FGF12: variants seen among roughly 807,000 people sequenced by gnomAD.
The protein encoded by FGF12 is fibroblast growth factor 12B.
In FGF12, 14 loss-of-function variants were observed where a neutral mutation model predicts 23.6. The observed-to-expected ratio is 0.59, with a 90% CI of 0.39 to 0.93. The LOEUF (loss-of-function observed/expected upper bound fraction) is 0.93. FGF12 is among the 40% of genes least tolerant of loss of function. The pLI is 0.00. For missense variants in FGF12, 175 were observed against 217.8 expected, an observed-to-expected ratio of 0.80 and a Z score of 1.24; for synonymous variants, 62 against 77.3, an observed-to-expected ratio of 0.80 and a Z score of 1.04.
chr3:192,552,849 C>T (rs1342985736), intron 2 of FGF12, among the ~76,000 whole-genome samples: 1 of 152,088 alleles, frequency 6.6e-6, no homozygotes, highest in South Asian at 2.1e-4. Flanking sequence ...CGAGATCATG[C>T]CACTGCACCC....
chr3:192,155,014 T>TGTG (rs1714305172), intron 5 of FGF12, among the ~76,000 whole-genome samples: 2 of 146,324 alleles, frequency 1.4e-5, no homozygotes, highest in Non-Finnish European at 3.0e-5. Context: ...TATAGTCTCG[T>TGTG]GGTGCGCCGT....
intron 4 of FGF12, among the ~76,000 whole-genome samples, chr3:192,328,308 C>T (rs1316688657): frequency 1.3e-5 from 2 of 152,192 alleles, no homozygotes; most frequent in African/African-American, 4.8e-5. Context: ...CTTTGGGTCA[C>T]ACAATATCTG....
At chr3:192,442,323 G>A (rs1326489276) in intron 2 of FGF12, among the ~76,000 whole-genome samples, 2 of 152,232 alleles carry the variant, frequency 1.3e-5, no homozygotes, top group Non-Finnish European at 2.9e-5. Flanking sequence ...GTGGATGAAA[G>A]CTGCTTCCAG....
At chr3:192,192,674 G>C (rs367937695) in intron 4 of FGF12, among the ~76,000 whole-genome samples, 7 of 151,700 alleles carry the variant, frequency 4.6e-5, no homozygotes, top group Non-Finnish European at 1.0e-4. Context: ...ACTTAAAAGG[G>C]AGAACATTTG....
chr3:192,337,724 G>A (rs958986720), intron 3 of FGF12, among the ~76,000 whole-genome samples: 1 of 152,098 alleles, frequency 6.6e-6, no homozygotes, highest in African/African-American at 2.4e-5. Flanking sequence ...CAAATGCATT[G>A]TCATGTTTCT....
At chr3:192,154,733 C>A (rs1332707660) in intron 5 of FGF12, among the ~76,000 whole-genome samples, 2 of 143,864 alleles carry the variant, frequency 1.4e-5, no homozygotes, top group Non-Finnish European at 3.1e-5. Context: ...CAGACAGGGA[C>A]CTTTAAGTCT....
rs141490176 is a variant in FGF12, at chr3:192,547,837, C to T, written c.13+179344G>A. ...TCATTTTCTTCTCTATAGCTTCTGTCACTGTTTTTTCTATAGCTTCTGTTA... is the reference window on the plus strand; with the variant it reads ...TCATTTTCTTCTCTATAGCTTCTGTTACTGTTTTTTCTATAGCTTCTGTTA... On this transcript the variant is annotated intron_variant, in intron 2 of 5. Transcript: ENST00000445105. Among the ~76,000 whole-genome samples the T allele has an allele frequency of 2.1e-4, 32 of 152,304 alleles. No homozygotes were observed. In the East Asian group the frequency reaches 6.0e-3, roughly 28 times the overall value.
In FGF12 at chr3:192,694,010, T is replaced by C. The variant is rs567456964; in HGVS notation, c.13+33171A>G. Reference sequence around the variant, plus strand: ...AAATATTTGTGAACCATGTATCTGATAAGGAGTTAATATCCAAAATATAAG... The same window carrying C: ...AAATATTTGTGAACCATGTATCTGACAAGGAGTTAATATCCAAAATATAAG... On this transcript the variant is annotated intron_variant, in intron 2 of 5. Coordinates refer to ENST00000445105, the MANE Select transcript of FGF12 (RefSeq NM_004113.6). 5.3e-5 allele frequency among the ~76,000 whole-genome samples: 8 copies of C among 152,242 alleles called. 1 individual carries two copies. In the South Asian group the frequency reaches 1.7e-3, roughly 32 times the overall value.
chr3:192,505,893 A>C (rs1251308179), intron 2 of FGF12, among the ~76,000 whole-genome samples: 1 of 152,100 alleles, frequency 6.6e-6, no homozygotes, highest in Non-Finnish European at 1.5e-5. Context: ...TCGAAGGAGG[A>C]GGGTTGGGGT....
chr3:192,571,731 C>G (rs1455966385), intron 2 of FGF12, among the ~76,000 whole-genome samples: 1 of 152,204 alleles, frequency 6.6e-6, no homozygotes, highest in Non-Finnish European at 1.5e-5. Flanking sequence ...GCCAAAGCAG[C>G]AACGCGAGCA....
intron 2 of FGF12, among the ~76,000 whole-genome samples, chr3:192,406,691 A>C (rs1210482713): frequency 6.6e-6 from 1 of 152,212 alleles, no homozygotes; most frequent in Non-Finnish European, 1.5e-5. Context: ...ACAAAATAAG[A>C]AAATGAGCCT....
chr3:192,566,048 T>C (rs756591793), intron 2 of FGF12, among the ~76,000 whole-genome samples: 1 of 152,270 alleles, frequency 6.6e-6, no homozygotes, highest in South Asian at 2.1e-4. Flanking sequence ...ATTGCGCCAT[T>C]GCACTCCAGC....
chr3:192,263,767 C>A (rs1012782228), intron 4 of FGF12, among the ~76,000 whole-genome samples: 4 of 151,984 alleles, frequency 2.6e-5, no homozygotes, highest in Non-Finnish European at 5.9e-5. Flanking sequence ...AGGAAATAAA[C>A]TTCTAATACC....
intron 2 of FGF12, among the ~76,000 whole-genome samples, chr3:192,692,294 C>G (rs1320403319): frequency 6.6e-6 from 1 of 152,116 alleles, no homozygotes; most frequent in Non-Finnish European, 1.5e-5. Context: ...AGTTTTACAA[C>G]TCATCTAAAA....
intron 2 of FGF12, among the ~76,000 whole-genome samples, chr3:192,634,689 T>A (rs1715515117): frequency 6.6e-6 from 1 of 152,028 alleles, no homozygotes; most frequent in South Asian, 2.1e-4. Flanking sequence ...GTACAATAAA[T>A]CACTAATAAA....
intron 2 of FGF12, among the ~76,000 whole-genome samples, chr3:192,600,703 A>G (rs1714077922): frequency 6.6e-6 from 1 of 152,098 alleles, no homozygotes; most frequent in Non-Finnish European, 1.5e-5. Context: ...AAAATGCTCA[A>G]CATCACTAAT....
chr3:192,699,982 C>G (rs987125020), intron 2 of FGF12, among the ~76,000 whole-genome samples: 1 of 152,138 alleles, frequency 6.6e-6, no homozygotes, highest in African/African-American at 2.4e-5. Context: ...TGCTGAATCC[C>G]TGAGATGCTC....
At chr3:192,487,518 G>A (rs2108823586) in intron 2 of FGF12, among the ~76,000 whole-genome samples, 1 of 152,126 alleles carries the variant, frequency 6.6e-6, no homozygotes, top group Non-Finnish European at 1.5e-5. Context: ...GATCATGCTT[G>A]TTTCTGAAGA....
At chr3:192,214,707 A>G (rs1718100557) in intron 4 of FGF12, among the ~76,000 whole-genome samples, 1 of 152,258 alleles carries the variant, frequency 6.6e-6, no homozygotes, top group African/African-American at 2.4e-5. Flanking sequence ...ATGCCAACTC[A>G]TAAGCATTGT....
Sources: allele counts gnomAD v4.1 joint callset (sites outside exome capture counted in the v4.1 genomes callset), GRCh38; gene constraint gnomAD v4.1.1; transcripts MANE v1.5; gene names NCBI Gene and HGNC (gene_info 2026-07-23, HGNC 2026-07-21).